DNAAF9: variants seen among roughly 807,000 people sequenced by gnomAD.
The protein encoded by DNAAF9 is dynein axonemal assembly factor 9.
In DNAAF9, 90 loss-of-function variants were observed where a neutral mutation model predicts 167.0. The ratio of observed to expected loss-of-function variants is 0.54; its 90% CI spans 0.45 to 0.64. The LOEUF (loss-of-function observed/expected upper bound fraction) is 0.64. Ranked by LOEUF, DNAAF9 falls within the 30% of genes least tolerant of loss-of-function variation. The pLI, the probability that DNAAF9 is intolerant of heterozygous loss-of-function variation, is 0.00. For synonymous variants in DNAAF9, 491 were observed against 508.8 expected (o/e 0.96, Z 0.47); for missense variants, 1,315 against 1,442.2 (o/e 0.91, Z 1.43).
intron 12 of DNAAF9, among the ~76,000 whole-genome samples, chr20:3,326,747 CAAAAA>C (rs5839993): frequency 2.6e-5 from 3 of 116,876 alleles, no homozygotes; most frequent in African/African-American, 3.2e-5. Flanking sequence ...GACCCTGTCT[CAAAAA>C]AAAAAAAAAA....
chr20:3,328,037 C>T (rs2069744114), intron 12 of DNAAF9, among the ~76,000 whole-genome samples: 2 of 152,178 alleles, frequency 1.3e-5, no homozygotes, highest in South Asian at 4.1e-4. Flanking sequence ...TATCCCCCTC[C>T]TCAGCTGATT....
At chr20:3,395,121 C>T (rs1354408081) in intron 1 of DNAAF9, among the ~76,000 whole-genome samples, 1 of 148,788 alleles carries the variant, frequency 6.7e-6, no homozygotes, top group East Asian at 1.9e-4. Context: ...GCGTGCGCCA[C>T]CATGCCCGGC....
intron 4 of DNAAF9, 48 bp from the exon 5 acceptor site, chr20:3,375,174 C>A: frequency 9.1e-7 from 1 of 1,104,742 alleles, no homozygotes; most frequent in Non-Finnish European, 1.4e-6. Context: ...AGATATCACA[C>A]AAATTCCCAT....
chr20:3,293,301 A>T (rs2068998580), intron 25 of DNAAF9, among the ~76,000 whole-genome samples: 1 of 148,180 alleles, frequency 6.7e-6, no homozygotes, highest in Non-Finnish European at 1.5e-5. Flanking sequence ...TCAAAAAAAA[A>T]AAAAAAAAAA....
In DNAAF9 at chr20:3,381,480, T is replaced by C. The variant is rs753451071; in HGVS notation, c.182A>G (p.Asn61Ser). The C allele has an allele frequency of 4.3e-6, 7 of 1,613,786 alleles. No individual in the cohort carries two copies. The highest frequency in any genetic ancestry group is 2.2e-5 in the South Asian group (2 of 91,070). ...LCILGIDSRY[N>S]EGCRELANYL... ...ATTTGCCAGCTCTCTGCAGCCTTCATTGTACCTGCTATCGATTCCTGCAAG... is the reference window on the plus strand; with the variant it reads ...ATTTGCCAGCTCTCTGCAGCCTTCACTGTACCTGCTATCGATTCCTGCAAG... Residue 61 changes from asparagine to serine, a missense_variant, in exon 3 of 37, where the codon AAT becomes AGT. Coordinates refer to ENST00000252032, the MANE Select transcript of DNAAF9 (RefSeq NM_001009984.3).
At chr20:3,294,424 T>TC (rs1600723418) in intron 24 of DNAAF9, 104 bp downstream of exon 24, 1 of 835,590 alleles carries the variant, frequency 1.2e-6, no homozygotes, top group Admixed American at 2.2e-5. Context: ...TACAGTGATC[T>TC]CTAAGAAACT....
At chr20:3,387,477 T>C (rs909066386) in intron 1 of DNAAF9, among the ~76,000 whole-genome samples, 1 of 152,048 alleles carries the variant, frequency 6.6e-6, no homozygotes, top group African/African-American at 2.4e-5. Flanking sequence ...GTACACCATA[T>C]AAAGAAATTA....
At chr20:3,307,618 C>T (rs1262463093) in intron 20 of DNAAF9, among the ~76,000 whole-genome samples, 1 of 152,052 alleles carries the variant, frequency 6.6e-6, no homozygotes, top group Non-Finnish European at 1.5e-5. Flanking sequence ...TGAACTCTGT[C>T]CTTCCTTCTC....
In DNAAF9 at chr20:3,304,468, T is replaced by G; in HGVS notation, c.1754A>C (p.His585Pro). The G allele has an allele frequency of 2.0e-6, 3 of 1,508,624 alleles. No homozygotes were observed. The highest frequency in any genetic ancestry group is 1.8e-6 in the Non-Finnish European group (2 of 1,083,956). The allele number at this position is 1,508,624 out of a possible 1,614,324, so 93.5% of individuals were successfully genotyped here. A position where few individuals can be genotyped will look rare whatever the true frequency, so the allele number is the denominator to read the frequency against. The change falls in exon 21 of 37, where the codon CAC (histidine) becomes CCC (proline). Residue 585 changes from histidine (H) to proline (P), a missense_variant. This residue lies in a region of DNAAF9 where 981 missense variants were observed against 1,012.5 expected (regional missense o/e 0.97). Transcript: ENST00000252032. ...ATCATAGAAGGAAATGGAATTCATGTGATCCTTGGAAATGATGATACTTCT... is the reference window on the plus strand; with the variant it reads ...ATCATAGAAGGAAATGGAATTCATGGGATCCTTGGAAATGATGATACTTCT... ...RHRSIIISKD[H>P]MNSISFYDGD...
chr20:3,374,466 G>A (rs2083549869), intron 5 of DNAAF9, among the ~76,000 whole-genome samples: 1 of 152,026 alleles, frequency 6.6e-6, no homozygotes, highest in Non-Finnish European at 1.5e-5. Flanking sequence ...TCATTCAGTG[G>A]GAATAATTAT....
chr20:3,267,999 A>C (rs1298015781), intron 30 of DNAAF9, among the ~76,000 whole-genome samples: 1 of 150,938 alleles, frequency 6.6e-6, no homozygotes, highest in Non-Finnish European at 1.5e-5. Context: ...GGCTGTTATT[A>C]CTTTGATATA....
chr20:3,253,873 TCA>T (rs2068233913), intron 35 of DNAAF9, 54 bp from the exon 36 acceptor site: 3 of 978,664 alleles, frequency 3.1e-6, no homozygotes, highest in Non-Finnish European at 3.3e-6. Context: ...TATACTTCAC[TCA>T]CTCATTAAAA....
chr20:3,289,932 T>C (rs1415317942), intron 26 of DNAAF9, among the ~76,000 whole-genome samples, 197 bp downstream of exon 26: 1 of 152,204 alleles, frequency 6.6e-6, no homozygotes, highest in Non-Finnish European at 1.5e-5. Context: ...TGTCTGTATG[T>C]TCATCGATGT....
At chr20:3,335,500 T>C (rs575408310) in intron 10 of DNAAF9, among the ~76,000 whole-genome samples, 1 of 152,280 alleles carries the variant, frequency 6.6e-6, no homozygotes, top group African/African-American at 2.4e-5. Context: ...GTCACGCCTG[T>C]AATCCTAGCA....
At chr20:3,279,703 C>T (rs2068733770) in intron 28 of DNAAF9, among the ~76,000 whole-genome samples, 1 of 152,184 alleles carries the variant, frequency 6.6e-6, no homozygotes, top group African/African-American at 2.4e-5. Flanking sequence ...CTGCTCTGTG[C>T]CTCAGGTATC....
chr20:3,390,410 G>A (rs919683120), intron 1 of DNAAF9, among the ~76,000 whole-genome samples: 5 of 147,936 alleles, frequency 3.4e-5, no homozygotes, highest in Admixed American at 1.4e-4. Flanking sequence ...CTGTTATCCA[G>A]GCTGGAGTGC....
chr20:3,374,924 C>A, intron 5 of DNAAF9, 106 bp downstream of exon 5: 1 of 660,314 alleles, frequency 1.5e-6, no homozygotes, highest in Non-Finnish European at 2.7e-6. Flanking sequence ...TAAAAATAGA[C>A]GAAGGGGTTT....
intron 10 of DNAAF9, 71 bp downstream of exon 10, chr20:3,340,433 T>TCCGGGGGGGGCCCCCCCCCC: frequency 4.5e-6 from 1 of 221,214 alleles, no homozygotes; most frequent in East Asian, 1.2e-4. Flanking sequence ...TTTGTCTAGC[T>TCCGGGGGGGGCCCCCCCCCC]CCCCCCACCC....
chr20:3,301,533 G>A (rs1365928111), intron 21 of DNAAF9, among the ~76,000 whole-genome samples: 1 of 152,096 alleles, frequency 6.6e-6, no homozygotes, highest in East Asian at 1.9e-4. Flanking sequence ...CATCAGCCAT[G>A]TTATCATACA....
Sources: gnomAD v4.1 joint callset for allele counts (sites outside exome capture counted in the v4.1 genomes callset) on GRCh38, gnomAD v4.1.1 for gene constraint, gnomAD v4.1.1 regional missense constraint, MANE v1.5 for transcripts, NCBI Gene and HGNC (gene_info 2026-07-23, HGNC 2026-07-21) for gene names.